SGCD: variants seen among roughly 807,000 people sequenced by gnomAD.
SGCD encodes delta-sarcoglycan.
SGCD carries 18 observed loss-of-function variants against 36.6 expected under a neutral mutation model. The observed-to-expected ratio is 0.49, with a 90% confidence interval of 0.34 to 0.73. The LOEUF (loss-of-function observed/expected upper bound fraction) is 0.73. Among genes scored for constraint, SGCD ranks in the 30% least tolerant of loss-of-function variants. The probability of loss-of-function intolerance (pLI) is 0.01; values close to 1 mark genes in which losing one functional copy is unlikely to be tolerated. For synonymous variants in SGCD, 133 were observed against 130.6 expected (o/e 1.02, Z -0.12); for missense variants, 387 against 346.7 (o/e 1.12, Z -0.92).
At chr5:155,889,356 A>G (rs1290598170) in intron 1 of SGCD, among the ~76,000 whole-genome samples, 1 of 151,982 alleles carries the variant, frequency 6.6e-6, no homozygotes. Context: ...TAAAAAGGAG[A>G]CCTACTCTTG....
In SGCD at chr5:156,245,427, C is replaced by T. The variant is rs570276859; in HGVS notation, c.-43-84107C>T. ...ACATTCCCTGTTGAGATAATAGAAC[C>T]AGGCAATAATAATAAATGACTTATC... is the stretch of plus-strand genomic sequence containing the variant. On this transcript the variant is annotated intron_variant, in intron 3 of 9. Transcript: ENST00000517913. Among the ~76,000 whole-genome samples the T allele has an allele frequency of 2.0e-4, 30 of 152,144 alleles. 1 individual carries two copies. The highest frequency in any genetic ancestry group is 6.5e-4 in the African/African-American group (27 of 41,526).
At chr5:156,487,236 C>T (rs1191938185) in intron 3 of SGCD, among the ~76,000 whole-genome samples, 1 of 152,212 alleles carries the variant, frequency 6.6e-6, no homozygotes, top group East Asian at 1.9e-4. Context: ...AACTTGCAGA[C>T]ACCATTCATT....
chr5:156,595,301 G>T lies in SGCD; in HGVS notation c.502+250G>T, dbSNP rs114059396. Among the ~76,000 whole-genome samples the T allele has an allele frequency of 7.6e-3, 1,155 of 152,200 alleles. 15 individuals carry two copies. The highest frequency in any genetic ancestry group is 0.026 in the African/African-American group (1,085 of 41,516). On this transcript the variant is annotated intron_variant, in intron 6 of 8. Coordinates refer to ENST00000337851, the MANE Select transcript of SGCD (RefSeq NM_000337.6). ...AGAGATCCCTCTCTGACATGAGAGG[G>T]TACAAGAAGTCAGCAGTCTGCAACC...
At chr5:156,144,757 C>G (rs545088662) in intron 3 of SGCD, among the ~76,000 whole-genome samples, 1 of 152,268 alleles carries the variant, frequency 6.6e-6, no homozygotes, top group East Asian at 1.9e-4. Context: ...TCCCATTTGT[C>G]AATTTTGCTG....
intron 3 of SGCD, among the ~76,000 whole-genome samples, chr5:156,436,693 A>T (rs2055611): frequency 2.0e-5 from 3 of 151,982 alleles, no homozygotes; most frequent in East Asian, 1.9e-4. Flanking sequence ...CTCCTGCTGC[A>T]GTGGCTAAAT....
chr5:156,550,890 G>T (rs1758767215), intron 4 of SGCD, among the ~76,000 whole-genome samples: 1 of 152,208 alleles, frequency 6.6e-6, no homozygotes, highest in South Asian at 2.1e-4. Flanking sequence ...GACGGCATGG[G>T]AATTGTCACT....
chr5:156,580,116 C>CA (rs1760184028), intron 4 of SGCD, among the ~76,000 whole-genome samples: 1 of 152,166 alleles, frequency 6.6e-6, no homozygotes, highest in South Asian at 2.1e-4. Flanking sequence ...CTGGTGGTGA[C>CA]AAAATCTCTC....
chr5:156,520,096 T>C (rs1251950188), intron 4 of SGCD, among the ~76,000 whole-genome samples: 5 of 152,208 alleles, frequency 3.3e-5, no homozygotes, highest in Admixed American at 6.5e-5. Context: ...GCAGATGATA[T>C]GATCCTATAT....
intron 3 of SGCD, among the ~76,000 whole-genome samples, chr5:156,395,536 G>A (rs571351057): frequency 6.6e-6 from 1 of 152,138 alleles, no homozygotes; most frequent in Non-Finnish European, 1.5e-5. Context: ...TGGTTTTCTG[G>A]GAAGGTTGCT....
intron 6 of SGCD, among the ~76,000 whole-genome samples, chr5:156,602,894 A>G (rs569419226): frequency 9.2e-5 from 14 of 152,088 alleles, no homozygotes; most frequent in Non-Finnish European, 1.8e-4. Flanking sequence ...GTATTAGGCT[A>G]TAGTTTCTTT....
At chr5:156,442,020 A>G (rs1057118908) in intron 3 of SGCD, among the ~76,000 whole-genome samples, 1 of 152,186 alleles carries the variant, frequency 6.6e-6, no homozygotes, top group Non-Finnish European at 1.5e-5. Context: ...AGGTGGTTCT[A>G]AATCTGGCAG....
At chr5:155,908,987 TA>T (rs1263811375) in intron 1 of SGCD, among the ~76,000 whole-genome samples, 66 of 152,260 alleles carry the variant, frequency 4.3e-4, no homozygotes, top group African/African-American at 1.4e-3. Context: ...CTGCTGATGA[TA>T]AATCACTAGT....
At chr5:156,688,805 A>T (rs949855816) in intron 7 of SGCD, among the ~76,000 whole-genome samples, 3 of 152,252 alleles carry the variant, frequency 2.0e-5, no homozygotes, top group African/African-American at 4.8e-5. Flanking sequence ...AAGGGGATAG[A>T]TGCTGGACAG....
chr5:156,325,364 T>TA (rs35117913), upstream of SGCD, among the ~76,000 whole-genome samples: 57,020 of 147,724 alleles, frequency 0.39, 11,789 homozygotes, highest in East Asian at 0.79. Context: ...TTTGCTCCAT[T>TA]AAAAAAAAAA....
rs147637945 is a variant in SGCD, at chr5:156,075,715, G to A, written c.-281-42163G>A. ...AATAATTCAAGTGTGGGGTGATAAC[G>A]ATAGGTATTCTGGTGATGATGTTAA... On this transcript the variant is annotated intron_variant, in intron 1 of 9. Transcript: ENST00000517913. 2.4e-4 allele frequency among the ~76,000 whole-genome samples: 37 copies of A among 152,294 alleles called. No individual in the cohort carries two copies. In the East Asian group the frequency reaches 2.7e-3, roughly 11 times the overall value.
chr5:156,359,035 A>G (rs905599952), intron 3 of SGCD, among the ~76,000 whole-genome samples: 1 of 152,338 alleles, frequency 6.6e-6, no homozygotes, highest in East Asian at 1.9e-4. Context: ...AAAAGGGAAG[A>G]GAAAAGAATC....
chr5:156,570,657 G>A (rs1282248179), intron 4 of SGCD, among the ~76,000 whole-genome samples: 1 of 152,076 alleles, frequency 6.6e-6, no homozygotes, highest in Non-Finnish European at 1.5e-5. Context: ...TTAAGTTCAG[G>A]GGTACATGCA....
chr5:156,672,416 C>T (rs1348340041), intron 7 of SGCD, among the ~76,000 whole-genome samples: 1 of 152,046 alleles, frequency 6.6e-6, no homozygotes, highest in Non-Finnish European at 1.5e-5. Context: ...TCACAGAGAC[C>T]TAAACAAATC....
intron 3 of SGCD, among the ~76,000 whole-genome samples, chr5:156,236,138 A>G (rs547620730): frequency 1.6e-4 from 25 of 152,336 alleles, no homozygotes; most frequent in Middle Eastern, 3.4e-3. Context: ...CCCCCATTCT[A>G]TCAGACATTA....
Sources: allele counts gnomAD v4.1 joint callset (sites outside exome capture counted in the v4.1 genomes callset), GRCh38; gene constraint gnomAD v4.1.1; transcripts MANE v1.5; gene names NCBI Gene and HGNC (gene_info 2026-07-23, HGNC 2026-07-21).